Variants in SVOPL observed in about 807,000 individuals in gnomAD.
The protein encoded by SVOPL is putative transporter SVOPL.
SVOPL carries 60 observed loss-of-function variants against 61.0 expected under a neutral mutation model. The observed-to-expected ratio is 0.98, with a 90% confidence interval of 0.80 to 1.22. The LOEUF is 1.22. SVOPL is among the 50% of genes most tolerant of loss of function. The probability of loss-of-function intolerance (pLI) is 0.00; values close to 1 mark genes in which losing one functional copy is unlikely to be tolerated. For missense variants in SVOPL, 662 were observed against 643.9 expected (o/e 1.03, Z -0.30); for synonymous variants, 279 against 250.0 (o/e 1.12, Z -1.09).
intron 9 of SVOPL, among the ~76,000 whole-genome samples, chr7:138,630,549 T>C (rs1164400206): frequency 6.6e-6 from 1 of 152,122 alleles, no homozygotes. Context: ...GGCATAAAGT[T>C]GAAAAAGGAG....
intron 1 of SVOPL, among the ~76,000 whole-genome samples, chr7:138,696,969 G>A (rs1028803711): frequency 2.6e-5 from 4 of 152,320 alleles, no homozygotes; most frequent in South Asian, 2.1e-4. Flanking sequence ...ACGATCAAAT[G>A]ATTGGTCAGA....
At chr7:138,700,150 A>G (rs191919620) in intron 1 of SVOPL, among the ~76,000 whole-genome samples, 25 of 152,200 alleles carry the variant, frequency 1.6e-4, no homozygotes, top group Admixed American at 4.6e-4. Context: ...TAGCATATAT[A>G]TGAAATGTAT....
intron 1 of SVOPL, among the ~76,000 whole-genome samples, chr7:138,694,100 A>G (rs990748204): frequency 2.6e-5 from 4 of 152,238 alleles, no homozygotes; most frequent in African/African-American, 9.6e-5. Flanking sequence ...AGACGTGTAA[A>G]TTGGTACAAC....
intron 12 of SVOPL, among the ~76,000 whole-genome samples, 179 bp downstream of exon 12, chr7:138,627,171 T>A (rs1449919294): frequency 6.6e-6 from 1 of 152,046 alleles, no homozygotes; most frequent in Non-Finnish European, 1.5e-5. Context: ...ATGGGGTCTG[T>A]AGGAAGAGGG....
At chr7:138,648,480 T>C (rs1433279359) in intron 8 of SVOPL, among the ~76,000 whole-genome samples, 3 of 136,060 alleles carry the variant, frequency 2.2e-5, no homozygotes, top group African/African-American at 8.4e-5. Context: ...GGCGGGTGGA[T>C]CATGAGGTCA....
chr7:138,656,018 G>C (rs28499217), intron 7 of SVOPL, among the ~76,000 whole-genome samples: 3,545 of 152,190 alleles, frequency 0.023, 184 homozygotes, highest in East Asian at 0.23. Context: ...GAAGTCCATT[G>C]ATGTGGCAAA....
chr7:138,637,922 A>G (rs1367419801), intron 9 of SVOPL, among the ~76,000 whole-genome samples: 1 of 152,174 alleles, frequency 6.6e-6, no homozygotes, highest in Non-Finnish European at 1.5e-5. Context: ...ACTGCACTCC[A>G]GCCTGGCCAA....
At chr7:138,642,479 CATT>C (rs1478165270) in intron 9 of SVOPL, among the ~76,000 whole-genome samples, 3 of 151,830 alleles carry the variant, frequency 2.0e-5, no homozygotes, top group East Asian at 3.9e-4. Context: ...ACACTGAAAA[CATT>C]ATATCAATAA....
rs1324817239 is a variant in SVOPL at position 138,594,628 on chromosome 7, G to A, written c.1468-7C>T. 5 of 1,594,026 alleles carry A rather than the reference G, an allele frequency of 3.1e-6. No homozygotes were observed. Among genetic ancestry groups the A allele is most frequent in the Non-Finnish European group, 4.3e-6 (5 of 1,169,862 alleles). On this transcript the variant is annotated splice_polypyrimidine_tract_variant and splice_region_variant and intron_variant, in intron 15 of 15. Coordinates refer to ENST00000674285, the MANE Select transcript of SVOPL (RefSeq NM_001139456.2). ...CAGGTCTTCATTTAATTTGCTGGAA[G>A]AAAGTTATTTAATAGATCAGTAATA...
chr7:138,661,620 T>C (rs1563127326), intron 5 of SVOPL: 1 of 985,016 alleles, frequency 1.0e-6, no homozygotes, highest in African/African-American at 1.7e-5. Flanking sequence ...ATTATCTCCA[T>C]GTTTTTAGAT....
intron 3 of SVOPL, among the ~76,000 whole-genome samples, chr7:138,672,904 C>CAAA (rs71179720): frequency 1.6e-4 from 17 of 103,686 alleles, no homozygotes; most frequent in African/African-American, 4.6e-4. Context: ...GTTTGTCTCT[C>CAAA]AAAAAAAAAA....
chr7:138,654,500 G>GT (rs71179717), intron 7 of SVOPL, among the ~76,000 whole-genome samples: 15,326 of 125,204 alleles, frequency 0.12, 1,725 homozygotes, highest in East Asian at 0.29. Context: ...TACTGAGTTT[G>GT]TTTTTTTTTT....
At position 138,659,942 on chromosome 7, in the gene SVOPL, G is replaced by T. The variant is rs1374042814; in HGVS notation, c.392C>A (p.Thr131Asn). ...FLWGAYFSLL[T>N]SFAPSYIWFV... ...CCAGATGTACGAAGGAGCAAACGAG[G>T]TCAGCAAGGAGAAATAGGCTCCCCA... Residue 131 changes from threonine to asparagine, a missense_variant, in exon 6 of 16, where the codon ACC becomes AAC. By Grantham distance (65) the Thr-to-Asn change is moderately conservative. Coordinates refer to ENST00000674285, the MANE Select transcript of SVOPL (RefSeq NM_001139456.2). The T allele has an allele frequency of 6.4e-7, 1 of 1,551,526 alleles. No individual in the cohort carries two copies. Among genetic ancestry groups the T allele is most frequent in the East Asian group, 2.4e-5 (1 of 40,898 alleles).
chr7:138,654,988 C>T (rs1446270606), intron 7 of SVOPL, among the ~76,000 whole-genome samples: 7 of 147,902 alleles, frequency 4.7e-5, no homozygotes, highest in Admixed American at 1.4e-4. Context: ...CTTAGGAGTT[C>T]GAGACCAGCC....
intron 14 of SVOPL, among the ~76,000 whole-genome samples, chr7:138,606,371 A>G (rs900197307): frequency 3.3e-5 from 5 of 152,072 alleles, no homozygotes; most frequent in Admixed American, 6.6e-5. Context: ...GCCATTTTTC[A>G]GTTGAATACA....
At chr7:138,689,326 A>G in intron 1 of SVOPL, 2 of 1,592,112 alleles carry the variant, frequency 1.3e-6, no homozygotes, top group Admixed American at 1.7e-5. Flanking sequence ...GTCATTGAGC[A>G]TATCCAAGTG....
At chr7:138,668,676 T>G (rs1170805664) in intron 4 of SVOPL, among the ~76,000 whole-genome samples, 1 of 152,200 alleles carries the variant, frequency 6.6e-6, no homozygotes, top group Non-Finnish European at 1.5e-5. Context: ...TTTTCCCTGG[T>G]GCCACCCCCA....
chr7:138,603,805 T>C (rs1395338497), intron 14 of SVOPL, among the ~76,000 whole-genome samples: 4 of 152,170 alleles, frequency 2.6e-5, no homozygotes, highest in Non-Finnish European at 5.9e-5. Flanking sequence ...AACTCTGACA[T>C]GAAAGACCTC....
In SVOPL at chr7:138,621,672, C is replaced by T. The variant is rs113554741; in HGVS notation, c.1264-537G>A. ...ATCTGGCCTCAAGCAATCCACCCACCTCAACCTCCCAAAGTGCTGGGATTA... is the reference window on the plus strand; with the variant it reads ...ATCTGGCCTCAAGCAATCCACCCACTTCAACCTCCCAAAGTGCTGGGATTA... On this transcript the variant is annotated intron_variant, in intron 13 of 15. Coordinates refer to ENST00000674285, the MANE Select transcript of SVOPL (RefSeq NM_001139456.2). Among the ~76,000 whole-genome samples the T allele has an allele frequency of 2.9e-3, 438 of 152,314 alleles. 2 individuals carry two copies. Among genetic ancestry groups the T allele is most frequent in the African/African-American group, 9.4e-3 (391 of 41,556 alleles).
Sources: allele counts gnomAD v4.1 joint callset (sites outside exome capture counted in the v4.1 genomes callset), GRCh38; gene constraint gnomAD v4.1.1; transcripts MANE v1.5; gene names NCBI Gene and HGNC (gene_info 2026-07-23, HGNC 2026-07-21).